TMEM109: variants seen among roughly 807,000 people sequenced by gnomAD.
TMEM109 encodes voltage-gated monoatomic cation channel TMEM109.
Under a neutral mutation model 26.4 loss-of-function variants are expected in TMEM109, and 19 were observed. The observed-to-expected ratio is 0.72, with a 90% CI of 0.50 to 1.06. TMEM109 has a LOEUF of 1.06. Among genes scored for constraint, TMEM109 ranks in the 50% least tolerant of loss-of-function variants. TMEM109 has a pLI of 0.00. For synonymous variants in TMEM109, 129 were observed against 142.0 expected, an observed-to-expected ratio of 0.91 and a Z score of 0.65; for missense variants, 262 against 303.4, an observed-to-expected ratio of 0.86 and a Z score of 1.01.
intron 3 of TMEM109, 138 bp downstream of exon 3, chr11:60,921,126 G>C: frequency 1.4e-6 from 1 of 737,946 alleles, no homozygotes; most frequent in Non-Finnish European, 2.2e-6. Flanking sequence ...CATGGCCAAA[G>C]AGCAAGCCAA....
intron 2 of TMEM109, among the ~76,000 whole-genome samples, 159 bp downstream of exon 2, chr11:60,920,089 G>A (rs560921940): frequency 1.1e-4 from 17 of 152,236 alleles, no homozygotes; most frequent in East Asian, 5.8e-4. Flanking sequence ...TGAATTCCTC[G>A]TTATTTGATT....
At chr11:60,921,377 G>A (rs556732791) in intron 3 of TMEM109, among the ~76,000 whole-genome samples, 34 of 152,172 alleles carry the variant, frequency 2.2e-4, no homozygotes, top group African/African-American at 7.5e-4. Context: ...CCGGGATCAC[G>A]TCACTGCACT....
chr11:60,916,947 TATGAC>T (rs1420348716), intron 1 of TMEM109, among the ~76,000 whole-genome samples: 1 of 152,216 alleles, frequency 6.6e-6, no homozygotes, highest in Non-Finnish European at 1.5e-5. Context: ...CCAACATGGT[TATGAC>T]CCAGATAGCT....
rs374688846 is a variant in TMEM109 at position 60,922,083 on chromosome 11, G to C, written c.650G>C (p.Arg217Pro). The C allele has an allele frequency of 1.3e-5, 21 of 1,613,204 alleles. No individual in the cohort carries two copies. The highest frequency in any genetic ancestry group is 1.8e-5 in the Non-Finnish European group (21 of 1,179,932). ...ASGAQLEAKV[R>P]GLERQVEELR... is the part of the protein sequence containing the mutation. ...GGGGCCCAACTCGAGGCCAAGGTGCGAGGGCTGGAACGCCAGGTGGAGGAG... is the reference window on the plus strand; with the variant it reads ...GGGGCCCAACTCGAGGCCAAGGTGCCAGGGCTGGAACGCCAGGTGGAGGAG... The change falls in exon 4 of 4, where the codon CGA (arginine) becomes CCA (proline). Residue 217 changes from arginine (R) to proline (P), a missense_variant. Transcript: ENST00000227525.
In TMEM109 at chr11:60,922,065, A is replaced by G; in HGVS notation, c.632A>G (p.Gln211Arg). Residue 211 changes from glutamine to arginine, a missense_variant, in exon 4 of 4, where the codon CAA becomes CGA. Transcript: ENST00000227525. Reference protein sequence around the residue: ...RLTGSRASGAQLEAKVRGLER... With the variant: ...RLTGSRASGARLEAKVRGLER... ...ACTGGCTCCCGAGCCTCTGGGGCCCAACTCGAGGCCAAGGTGCGAGGGCTG... is the reference window on the plus strand; with the variant it reads ...ACTGGCTCCCGAGCCTCTGGGGCCCGACTCGAGGCCAAGGTGCGAGGGCTG... The G allele has an allele frequency of 6.2e-7, 1 of 1,613,340 alleles. No homozygotes were observed. Among genetic ancestry groups the G allele is most frequent in the Non-Finnish European group, 8.5e-7 (1 of 1,179,954 alleles).
intron 2 of TMEM109, among the ~76,000 whole-genome samples, chr11:60,920,484 TCTC>T (rs1399080326): frequency 6.6e-6 from 1 of 152,208 alleles, no homozygotes; most frequent in African/African-American, 2.4e-5. Flanking sequence ...TTACAGATGT[TCTC>T]CACGCACCTT....
chr11:60,922,166 G>C lies in TMEM109; in HGVS notation c.*1G>C. 6.3e-7 allele frequency: 1 copy of C among 1,579,204 alleles called. No individual in the cohort carries two copies. Among genetic ancestry groups the C allele is most frequent in the Non-Finnish European group, 8.6e-7 (1 of 1,162,392 alleles). On this transcript the variant is annotated 3_prime_UTR_variant, in exon 4 of 4. Coordinates refer to ENST00000227525, the MANE Select transcript of TMEM109 (RefSeq NM_024092.3). ...GGCCCGCAGTGTGGAGGAGGAGTGA[G>C]CCGGATGCCCCACACACCGCCAGTG...
rs767582788 is a variant in TMEM109 at position 60,920,948 on chromosome 11, T to G, written c.300T>G (p.Ser100=). The G allele has an allele frequency of 6.2e-7, 1 of 1,614,214 alleles. No homozygotes were observed. Among genetic ancestry groups the G allele is most frequent in the East Asian group, 2.2e-5 (1 of 44,886 alleles). Reference sequence around the variant, plus strand: ...TTTCTGTGGCCTTCTTTGCTCTGTCTGGGATCGCCGCACAGCTGCTGAATG... The same window carrying G: ...TTTCTGTGGCCTTCTTTGCTCTGTCGGGGATCGCCGCACAGCTGCTGAATG... The part of the protein sequence containing the change: ...SAISVAFFAL[S]GIAAQLLNAL... The change falls in exon 3 of 4, where the codon TCT becomes TCG. Residue 100 remains serine, a synonymous_variant. Coordinates refer to ENST00000227525, the MANE Select transcript of TMEM109 (RefSeq NM_024092.3).
chr11:60,920,828 G>A lies in TMEM109; in HGVS notation c.238-58G>A, dbSNP rs113639539. The A allele has an allele frequency of 7.7e-4, 1,096 of 1,425,518 alleles. 2 individuals carry two copies. The African/African-American group carries it at 9.1e-3, about 12-fold the overall frequency. The allele number at this position is 1,425,518 out of a possible 1,614,324, so 88.3% of individuals were successfully genotyped here. A position where few individuals can be genotyped will look rare whatever the true frequency, so the allele number is the denominator to read the frequency against. On this transcript the variant is annotated intron_variant, in intron 2 of 3. Transcript: ENST00000227525. ...CTTGCCTGGACAGTGGTGATCAGGCGTGAAGGCGAGGACCGTTGTTCATTA... is the reference window on the plus strand; with the variant it reads ...CTTGCCTGGACAGTGGTGATCAGGCATGAAGGCGAGGACCGTTGTTCATTA...
chr11:60,921,792 G>A lies in TMEM109; in HGVS notation c.359G>A (p.Gly120Asp), dbSNP rs1218899216. Residue 120 changes from glycine (G) to aspartate (D), a missense_variant, in exon 4 of 4, where the codon GGC becomes GAC. Physicochemically the swap from Gly to Asp is moderately conservative, Grantham distance 94. Coordinates refer to ENST00000227525, the MANE Select transcript of TMEM109 (RefSeq NM_024092.3). ...LGLAGDYLAQ[G>D]LKLSPGQVQT... ...CTTCCAGGTGATTACCTCGCCCAGGGCCTGAAGCTCAGCCCTGGCCAGGTC... is the reference window on the plus strand; with the variant it reads ...CTTCCAGGTGATTACCTCGCCCAGGACCTGAAGCTCAGCCCTGGCCAGGTC... 6.2e-7 allele frequency: 1 copy of A among 1,612,060 alleles called. No individual in the cohort carries two copies. Among genetic ancestry groups the A allele is most frequent in the Non-Finnish European group, 8.5e-7 (1 of 1,179,648 alleles).
chr11:60,920,934 T>G lies in TMEM109; in HGVS notation c.286T>G (p.Phe96Val). 1.2e-6 allele frequency: 2 copies of G among 1,614,222 alleles called. No individual in the cohort carries two copies. Residue 96 changes from phenylalanine to valine, a missense_variant, in exon 3 of 4, where the codon TTC (phenylalanine) becomes GTC (valine). Transcript: ENST00000227525. Reference sequence around the variant, plus strand: ...CATCTCATCAGCCATTTCTGTGGCCTTCTTTGCTCTGTCTGGGATCGCCGC... The same window carrying G: ...CATCTCATCAGCCATTTCTGTGGCCGTCTTTGCTCTGTCTGGGATCGCCGC... ...WAISSAISVAFFALSGIAAQL... is the reference protein window; with the variant it reads ...WAISSAISVAVFALSGIAAQL...
At chr11:60,920,752 C>A in intron 2 of TMEM109, 134 bp from the exon 3 acceptor site, 2 of 812,634 alleles carry the variant, frequency 2.5e-6, no homozygotes, top group Admixed American at 1.9e-5. Flanking sequence ...ACCCTCTGAC[C>A]CAGGCCTGTC....
chr11:60,919,999 C>T lies in TMEM109; in HGVS notation c.237+69C>T, dbSNP rs76646595. 877 of 1,326,566 alleles carry T rather than the reference C, an allele frequency of 6.6e-4. 3 individuals are homozygous for T. The African/African-American group carries it at 0.012, about 18-fold the overall frequency. 82.2% of individuals were successfully genotyped at this position (1,326,566 alleles called of 1,614,324 possible). On this transcript the variant is annotated intron_variant, in intron 2 of 3. Transcript: ENST00000227525. ...ATAAAAGAAGAAAGGTTGGTAATGGCCACCTCATCTTAGTTCCACATCCTC... is the reference window on the plus strand; with the variant it reads ...ATAAAAGAAGAAAGGTTGGTAATGGTCACCTCATCTTAGTTCCACATCCTC...
In TMEM109 at chr11:60,920,958, G is replaced by A. The variant is rs753654818; in HGVS notation, c.310G>A (p.Ala104Thr). Residue 104 changes from alanine (A) to threonine (T), a missense_variant, in exon 3 of 4, where the codon GCA becomes ACA. Transcript: ENST00000227525. ...VAFFALSGIA[A>T]QLLNALGLAG... Reference sequence around the variant, plus strand: ...CTTCTTTGCTCTGTCTGGGATCGCCGCACAGCTGCTGAATGCCTTGGGACT... The same window carrying A: ...CTTCTTTGCTCTGTCTGGGATCGCCACACAGCTGCTGAATGCCTTGGGACT... 58 of 1,613,976 alleles carry A rather than the reference G, an allele frequency of 3.6e-5. No homozygotes were observed. Among genetic ancestry groups the A allele is most frequent in the Non-Finnish European group, 4.6e-5 (54 of 1,179,980 alleles).
At position 60,922,962 on chromosome 11, in the gene TMEM109, G is replaced by A. The variant is rs540732391; in HGVS notation, c.*797G>A. ...CTGCTTTGTAGGCATGTGCCTGCAA[G>A]TGGGACCTTGCTGGGCATTATATGC... is the stretch of plus-strand genomic sequence containing the variant. On this transcript the variant is annotated 3_prime_UTR_variant, in exon 4 of 4. Transcript: ENST00000227525. 5.9e-5 allele frequency: 9 copies of A among 153,282 alleles called. No individual in the cohort carries two copies. The highest frequency in any genetic ancestry group is 2.2e-4 in the African/African-American group (9 of 41,600). The allele number at this position is 153,282 out of a possible 1,614,324, so 9.5% of individuals were successfully genotyped here.
rs1440821113 is a variant in TMEM109 at position 60,922,242 on chromosome 11, C to A, written c.*77C>A. ...GGGGCCATGCAGCCCTCCTGCCAGC[C>A]CCCTGCCCTTTTCTTGCCCTGTCTC... On this transcript the variant is annotated 3_prime_UTR_variant, in exon 4 of 4. Coordinates refer to ENST00000227525, the MANE Select transcript of TMEM109 (RefSeq NM_024092.3). 1.9e-6 allele frequency: 3 copies of A among 1,548,902 alleles called. No individual in the cohort carries two copies. The highest frequency in any genetic ancestry group is 2.6e-6 in the Non-Finnish European group (3 of 1,146,954).
intron 3 of TMEM109, among the ~76,000 whole-genome samples, chr11:60,921,550 G>A (rs753100422): frequency 8.5e-5 from 13 of 152,168 alleles, no homozygotes; most frequent in Non-Finnish European, 1.2e-4. Flanking sequence ...AATTGTTCCC[G>A]TTTAGTAAAT....
At position 60,922,413 on chromosome 11, in the gene TMEM109, C is replaced by G; in HGVS notation, c.*248C>G. On this transcript the variant is annotated 3_prime_UTR_variant, in exon 4 of 4. Coordinates refer to ENST00000227525, the MANE Select transcript of TMEM109 (RefSeq NM_024092.3). ...CTCTTAACCCTTTCTCTGCTCCCAG[C>G]CTGCCTCACCAGGGAAGGTTGGAGG... The G allele has an allele frequency of 6.7e-7, 1 of 1,501,988 alleles. No individual in the cohort carries two copies. The highest frequency in any genetic ancestry group is 1.2e-5 in the South Asian group (1 of 82,712). The allele number at this position is 1,501,988 out of a possible 1,614,324, so 93.0% of individuals were successfully genotyped here. A position where few individuals can be genotyped will look rare whatever the true frequency, so the allele number is the denominator to read the frequency against.
chr11:60,916,923 G>A (rs1207657049), intron 1 of TMEM109, among the ~76,000 whole-genome samples: 1 of 152,190 alleles, frequency 6.6e-6, no homozygotes, highest in African/African-American at 2.4e-5. Context: ...TAGCAACCCT[G>A]CTCTTTTAAG....
Sources: allele counts gnomAD v4.1 joint callset (sites outside exome capture counted in the v4.1 genomes callset), GRCh38; gene constraint gnomAD v4.1.1; transcripts MANE v1.5; gene names NCBI Gene and HGNC (gene_info 2026-07-23, HGNC 2026-07-21).